Variants in ZSCAN5A observed in about 807,000 individuals in gnomAD.
ZSCAN5A encodes zinc finger and SCAN domain containing 5A, also known as zinc finger and SCAN domain-containing protein 5A.
A neutral mutation model predicts 23.7 loss-of-function variants in ZSCAN5A; 12 were observed. The observed-to-expected ratio is 0.51, with a 90% CI of 0.32 to 0.82. The LOEUF is 0.82. ZSCAN5A is among the 40% of genes least tolerant of loss of function. The pLI is 0.03. For synonymous variants in ZSCAN5A, 257 were observed against 239.9 expected, an observed-to-expected ratio of 1.07 and a Z score of -0.66; for missense variants, 597 against 617.9, an observed-to-expected ratio of 0.97 and a Z score of 0.36.
chr19:56,280,229 A>G (rs1034494862), intron 2 of ZSCAN5A, among the ~76,000 whole-genome samples: 2 of 152,194 alleles, frequency 1.3e-5, no homozygotes, highest in African/African-American at 4.8e-5. Context: ...TCACCTAATA[A>G]TACTTCCAGA....
At position 56,224,795 on chromosome 19, in the gene ZSCAN5A, C is replaced by T. The variant is rs773925891; in HGVS notation, c.252G>A (p.Leu84=). The change falls in exon 3 of 6, where the codon CTG becomes CTA. Residue 84 remains leucine, a synonymous_variant. Transcript: ENST00000683990. ...TGAACTGCTCCATCACCAGCATGTC[C>T]AGGATCTGCTCTTTGGTGTGGAGGT... The part of the protein sequence containing the change: ...RPDLHTKEQI[L]DMLVMEQFMI... 2.5e-5 allele frequency: 41 copies of T among 1,610,372 alleles called. No individual in the cohort carries two copies. Among genetic ancestry groups the T allele is most frequent in the Non-Finnish European group, 3.3e-5 (39 of 1,177,974 alleles).
At chr19:56,277,888 C>T (rs1353983501) in intron 2 of ZSCAN5A, among the ~76,000 whole-genome samples, 2 of 151,952 alleles carry the variant, frequency 1.3e-5, no homozygotes, top group East Asian at 3.8e-4. Flanking sequence ...CCACTTGTAC[C>T]CCTAAAGCTA....
chr19:56,285,486 C>T (rs1158434755), intron 2 of ZSCAN5A, among the ~76,000 whole-genome samples: 1 of 152,196 alleles, frequency 6.6e-6, no homozygotes, highest in African/African-American at 2.4e-5. Context: ...CTGAGAAATG[C>T]TTCGTGTGTA....
At position 56,222,025 on chromosome 19, in the gene ZSCAN5A, G is replaced by C; in HGVS notation, c.1041C>G (p.Gly347=). Residue 347 remains glycine (G), a synonymous_variant, in exon 6 of 6, where the codon GGC becomes GGG. Transcript: ENST00000683990. ...GPASPVSHPD[G]QEAKALPPFA... is the part of the protein sequence containing the mutation. The stretch of plus-strand genomic sequence containing the variant: ...AGGGCGGCAGTGCCTTGGCTTCTTG[G>C]CCATCCGGGTGACTGACTGGGCTCG... The C allele has an allele frequency of 3.1e-6, 5 of 1,614,198 alleles. No homozygotes were observed. Among genetic ancestry groups the C allele is most frequent in the Non-Finnish European group, 4.2e-6 (5 of 1,180,034 alleles).
At position 56,226,773 on chromosome 19, in the gene ZSCAN5A, A is replaced by T. The variant is rs574793394; in HGVS notation, c.-127-1600T>A. On this transcript the variant is annotated intron_variant, in intron 2 of 5. Transcript: ENST00000683990. Reference sequence around the variant, plus strand: ...TCCAAAACAGTGAAACTCTGGAGGGATAGAGGGAGGGAGGGTTGAAAAACT... The same window carrying T: ...TCCAAAACAGTGAAACTCTGGAGGGTTAGAGGGAGGGAGGGTTGAAAAACT... Among the ~76,000 whole-genome samples, 5 of 152,314 alleles carry T rather than the reference A, an allele frequency of 3.3e-5. No individual in the cohort carries two copies. The South Asian group carries it at 1.0e-3, about 32-fold the overall frequency.
intron 2 of ZSCAN5A, among the ~76,000 whole-genome samples, chr19:56,291,644 T>C (rs1168970128): frequency 6.6e-6 from 1 of 152,178 alleles, no homozygotes; most frequent in Non-Finnish European, 1.5e-5. Flanking sequence ...CTAAGAGTCT[T>C]GTTTCACATT....
In ZSCAN5A at chr19:56,225,190, T is replaced by C. The variant is rs2033801844; in HGVS notation, c.-127-17A>G. The C allele has an allele frequency of 7.0e-7, 1 of 1,436,210 alleles. No individual in the cohort carries two copies. The highest frequency in any genetic ancestry group is 9.1e-7 in the Non-Finnish European group (1 of 1,101,100). The allele number at this position is 1,436,210 out of a possible 1,614,324, so 89.0% of individuals were successfully genotyped here. A position where few individuals can be genotyped will look rare whatever the true frequency, so the allele number is the denominator to read the frequency against. On this transcript the variant is annotated splice_polypyrimidine_tract_variant and intron_variant, in intron 2 of 5. Coordinates refer to ENST00000683990, the MANE Select transcript of ZSCAN5A (RefSeq NM_001322064.3). ...TTCAGAAGTCTGGGGGGGAAAAGTA[T>C]GAGCCTCATTAGTTTAAGTTACTAC...
intron 1 of ZSCAN5A, among the ~76,000 whole-genome samples, chr19:56,365,365 G>A (rs1223484799): frequency 1.3e-5 from 2 of 152,140 alleles, no homozygotes; most frequent in African/African-American, 4.8e-5. Flanking sequence ...CCTTTGTAGC[G>A]AGGTTTTCTG....
intron 2 of ZSCAN5A, among the ~76,000 whole-genome samples, chr19:56,275,922 T>G (rs186739514): frequency 1.3e-5 from 2 of 152,182 alleles, no homozygotes; most frequent in African/African-American, 4.8e-5. Flanking sequence ...GATGGGCTGA[T>G]AGATGGGCCC....
intron 2 of ZSCAN5A, chr19:56,300,042 T>C (rs2040128484): frequency 6.6e-6 from 1 of 152,202 alleles, no homozygotes; most frequent in Admixed American, 6.5e-5. Flanking sequence ...TGTGATTGTG[T>C]ACCTTTGATT....
At chr19:56,313,164 G>A (rs983747278) in intron 2 of ZSCAN5A, 119 bp downstream of exon 2, 1 of 219,722 alleles carries the variant, frequency 4.6e-6, no homozygotes, top group Non-Finnish European at 9.5e-6. Flanking sequence ...AAAAGCCACG[G>A]AAACCACCCA....
chr19:56,302,307 T>C (rs2040293866), intron 2 of ZSCAN5A, among the ~76,000 whole-genome samples: 1 of 144,950 alleles, frequency 6.9e-6, no homozygotes, highest in Non-Finnish European at 1.5e-5. Flanking sequence ...TCTTCCCTCT[T>C]TTCTCCCTCC....
At chr19:56,289,512 G>A (rs972645155) in intron 2 of ZSCAN5A, among the ~76,000 whole-genome samples, 2 of 152,128 alleles carry the variant, frequency 1.3e-5, no homozygotes, top group African/African-American at 4.8e-5. Context: ...ACTGATCCTC[G>A]AGGCCAAAGA....
intron 2 of ZSCAN5A, chr19:56,281,790 A>C (rs1296919220): frequency 1.4e-6 from 1 of 734,820 alleles, no homozygotes; most frequent in Admixed American, 6.3e-5. Context: ...AAAACTGCTG[A>C]CGATCACATT....
At chr19:56,255,893 A>G (rs1199785475) in intron 2 of ZSCAN5A, among the ~76,000 whole-genome samples, 1 of 152,186 alleles carries the variant, frequency 6.6e-6, no homozygotes, top group African/African-American at 2.4e-5. Flanking sequence ...GATTTATTTC[A>G]GGGCTTATTT....
At chr19:56,343,982 T>A (rs2041613405) in intron 2 of ZSCAN5A, among the ~76,000 whole-genome samples, 1 of 152,240 alleles carries the variant, frequency 6.6e-6, no homozygotes, top group South Asian at 2.1e-4. Flanking sequence ...CAAGTATTCA[T>A]CCCATTACAT....
intron 2 of ZSCAN5A, among the ~76,000 whole-genome samples, chr19:56,251,460 G>GA (rs1164822131): frequency 6.6e-6 from 1 of 152,060 alleles, no homozygotes; most frequent in African/African-American, 2.4e-5. Flanking sequence ...CCAATGAAGA[G>GA]AAAAAAACCC....
intron 2 of ZSCAN5A, among the ~76,000 whole-genome samples, chr19:56,271,488 G>A (rs183184253): frequency 1.3e-5 from 2 of 152,282 alleles, no homozygotes; most frequent in South Asian, 2.1e-4. Flanking sequence ...GTAGTATCAC[G>A]TTTTCCCGGT....
intron 2 of ZSCAN5A, chr19:56,342,875 T>C (rs2041605075): frequency 1.0e-6 from 1 of 954,288 alleles, no homozygotes; most frequent in Non-Finnish European, 1.7e-6. Context: ...CATTGCACAG[T>C]ACCCACTTCA....
Sources: gnomAD v4.1 joint callset for allele counts (sites outside exome capture counted in the v4.1 genomes callset) on GRCh38, gnomAD v4.1.1 for gene constraint, MANE v1.5 for transcripts, NCBI Gene and HGNC (gene_info 2026-07-23, HGNC 2026-07-21) for gene names.